VPS37C: variants seen among roughly 807,000 people sequenced by gnomAD.
VPS37C encodes the protein VPS37C subunit of ESCRT-I.
VPS37C carries 9 observed loss-of-function variants against 16.1 expected under a neutral mutation model. That is an observed-to-expected ratio of 0.56 (90% CI 0.34 to 0.97). The LOEUF is 0.97. VPS37C is among the 50% of genes least tolerant of loss of function. VPS37C has a pLI of 0.02. For missense variants in VPS37C, 479 were observed against 472.7 expected, an observed-to-expected ratio of 1.01 and a Z score of -0.12; for synonymous variants, 207 against 206.4, an observed-to-expected ratio of 1.00 and a Z score of -0.02.
At chr11:61,154,491 G>A (rs955283587) in intron 1 of VPS37C, among the ~76,000 whole-genome samples, 3 of 152,066 alleles carry the variant, frequency 2.0e-5, no homozygotes, top group African/African-American at 7.2e-5. Context: ...CAGTGAATTT[G>A]AAGAAAGAGC....
chr11:61,149,234 C>T (rs528638002), intron 1 of VPS37C, among the ~76,000 whole-genome samples: 4 of 152,086 alleles, frequency 2.6e-5, no homozygotes, highest in Admixed American at 1.3e-4. Flanking sequence ...TGCAGTGAGC[C>T]GAGATCGCGC....
chr11:61,146,480 C>G (rs1853208532), intron 1 of VPS37C, among the ~76,000 whole-genome samples: 1 of 152,246 alleles, frequency 6.6e-6, no homozygotes, highest in Non-Finnish European at 1.5e-5. Context: ...AGATGGGCCG[C>G]TCTGTGGGCC....
At position 61,133,201 on chromosome 11, in the gene VPS37C, C is replaced by T. The variant is rs753106466; in HGVS notation, c.348+54G>A. 3 of 1,588,788 alleles carry T rather than the reference C, an allele frequency of 1.9e-6. No homozygotes were observed. In the African/African-American group the frequency reaches 4.0e-5, roughly 21 times the overall value. The stretch of plus-strand genomic sequence containing the variant: ...CTGCTTCTCCTTCCAAGGGCCCCTG[C>T]TGCAGGGACTGACACCCCGTCCAGG... On this transcript the variant is annotated intron_variant, in intron 4 of 4. Transcript: ENST00000301765.
chr11:61,143,676 C>T (rs10897146), intron 1 of VPS37C: 110,319 of 148,438 alleles, frequency 0.74, 42,187 homozygotes, highest in East Asian at 0.99. Flanking sequence ...TTTTTTTTTT[C>T]TGAGATGGAG....
intron 2 of VPS37C, among the ~76,000 whole-genome samples, chr11:61,136,520 C>T (rs1445223280): frequency 6.6e-6 from 1 of 152,146 alleles, no homozygotes; most frequent in Admixed American, 6.5e-5. Context: ...TCATCTTCCC[C>T]ATAAATATGC....
At chr11:61,153,197 T>G (rs1243375518) in intron 1 of VPS37C, among the ~76,000 whole-genome samples, 1 of 152,172 alleles carries the variant, frequency 6.6e-6, no homozygotes, top group Admixed American at 6.5e-5. Context: ...TGGGAGGTGA[T>G]TAGATCATGG....
rs562283995 is a variant in VPS37C, at chr11:61,159,729, A to C, written c.-7+1662T>G. ...ACTCCGTCTCAAAAAAAAATAAATA[A>C]ATAAATAAATAAAAAATACAAAAAT... On this transcript the variant is annotated intron_variant, in intron 1 of 4. Transcript: ENST00000301765. Among the ~76,000 whole-genome samples, 46 of 83,206 alleles carry C rather than the reference A, an allele frequency of 5.5e-4. 1 individual carries two copies. The South Asian group carries it at 0.024, about 44-fold the overall frequency. 54.6% of individuals were successfully genotyped at this position (83,206 alleles called of 152,430 possible). A position where few individuals can be genotyped will look rare whatever the true frequency, so the allele number is the denominator to read the frequency against.
intron 1 of VPS37C, among the ~76,000 whole-genome samples, chr11:61,149,887 T>C (rs769929586): frequency 1.3e-5 from 2 of 152,110 alleles, no homozygotes; most frequent in African/African-American, 2.4e-5. Context: ...CTGTGCCAAA[T>C]GGTGGGAGGC....
chr11:61,131,780 G>C lies in VPS37C; in HGVS notation c.*40C>G, dbSNP rs755424600. The C allele has an allele frequency of 8.0e-7, 1 of 1,243,592 alleles. No individual in the cohort carries two copies. The highest frequency in any genetic ancestry group is 1.0e-6 in the Non-Finnish European group (1 of 991,932). The allele number at this position is 1,243,592 out of a possible 1,614,324, so 77.0% of individuals were successfully genotyped here. A position where few individuals can be genotyped will look rare whatever the true frequency, so the allele number is the denominator to read the frequency against. On this transcript the variant is annotated 3_prime_UTR_variant, in exon 5 of 5. Coordinates refer to ENST00000301765, the MANE Select transcript of VPS37C (RefSeq NM_017966.5). Reference sequence around the variant, plus strand: ...GCGATGGCTGGGCCAAAGGTTGAGCGTGGGTGGGACTAGGGAGGGGCCGAG... The same window carrying C: ...GCGATGGCTGGGCCAAAGGTTGAGCCTGGGTGGGACTAGGGAGGGGCCGAG...
At chr11:61,153,249 C>T (rs1320239080) in intron 1 of VPS37C, among the ~76,000 whole-genome samples, 1 of 152,192 alleles carries the variant, frequency 6.6e-6, no homozygotes, top group Non-Finnish European at 1.5e-5. Flanking sequence ...TGAATGAGGT[C>T]TCATGAGCTA....
At chr11:61,147,228 C>T (rs534446532) in intron 1 of VPS37C, among the ~76,000 whole-genome samples, 38 of 152,204 alleles carry the variant, frequency 2.5e-4, no homozygotes, top group African/African-American at 8.7e-4. Context: ...GGAGCCCCAC[C>T]ATTTGCCACA....
At chr11:61,133,781 C>A (rs1341987090) in intron 3 of VPS37C, among the ~76,000 whole-genome samples, 2 of 152,192 alleles carry the variant, frequency 1.3e-5, no homozygotes, top group Non-Finnish European at 2.9e-5. Context: ...AGGGTAACGG[C>A]AGCAGCAAAG....
intron 1 of VPS37C, among the ~76,000 whole-genome samples, chr11:61,140,816 T>C (rs1861461792): frequency 6.6e-6 from 1 of 152,264 alleles, no homozygotes; most frequent in Non-Finnish European, 1.5e-5. Flanking sequence ...AGACAGGGTA[T>C]CAGAAAGGTT....
At chr11:61,147,656 C>T (rs1207450501) in intron 1 of VPS37C, among the ~76,000 whole-genome samples, 5 of 151,886 alleles carry the variant, frequency 3.3e-5, no homozygotes, top group African/African-American at 7.3e-5. Context: ...AAAAACAAAT[C>T]GTTTCCACTG....
chr11:61,130,285 T>C lies in VPS37C; in HGVS notation c.*1535A>G, dbSNP rs927341749. On this transcript the variant is annotated 3_prime_UTR_variant, in exon 5 of 5. Coordinates refer to ENST00000301765, the MANE Select transcript of VPS37C (RefSeq NM_017966.5). ...GACTCATCAAAGTTTATTATGGCAA[T>C]TAATTACACAAACATACAGGCGGTC... 9 of 152,766 alleles carry C rather than the reference T, an allele frequency of 5.9e-5. No homozygotes were observed. The highest frequency in any genetic ancestry group is 2.2e-4 in the African/African-American group (9 of 41,460). 9.5% of individuals were successfully genotyped at this position (152,766 alleles called of 1,614,324 possible).
At chr11:61,152,229 G>A (rs557572706) in intron 1 of VPS37C, among the ~76,000 whole-genome samples, 1 of 152,164 alleles carries the variant, frequency 6.6e-6, no homozygotes, top group Non-Finnish European at 1.5e-5. Flanking sequence ...GACATAAAGT[G>A]GGGCAGCTGC....
At chr11:61,143,219 G>C (rs1861503669) in intron 1 of VPS37C, among the ~76,000 whole-genome samples, 1 of 151,984 alleles carries the variant, frequency 6.6e-6, no homozygotes, top group African/African-American at 2.4e-5. Context: ...GGCTGGGAGA[G>C]GTGACGTTAC....
chr11:61,134,214 G>C lies in VPS37C; in HGVS notation c.94-7C>G. On this transcript the variant is annotated splice_region_variant and splice_polypyrimidine_tract_variant and intron_variant, in intron 2 of 4. Transcript: ENST00000301765. ...CCAGCTGTAGGTCCTGGACCTAAAA[G>C]GGCAGGACAACAGAACCTAAGGAAA... 2 of 1,607,248 alleles carry C rather than the reference G, an allele frequency of 1.2e-6. No individual in the cohort carries two copies. Among genetic ancestry groups the C allele is most frequent in the Non-Finnish European group, 1.7e-6 (2 of 1,174,908 alleles).
chr11:61,153,824 A>C (rs1193946819), intron 1 of VPS37C, among the ~76,000 whole-genome samples: 1 of 152,134 alleles, frequency 6.6e-6, no homozygotes, highest in African/African-American at 2.4e-5. Context: ...GAACCCAGAA[A>C]CCTACAGAGG....
Sources: gnomAD v4.1 joint callset for allele counts (sites outside exome capture counted in the v4.1 genomes callset) on GRCh38, gnomAD v4.1.1 for gene constraint, MANE v1.5 for transcripts, NCBI Gene and HGNC (gene_info 2026-07-23, HGNC 2026-07-21) for gene names.